The following HMGCLL1 variants were observed in gnomAD, a reference collection of about 807,000 sequenced individuals.
HMGCLL1 encodes 3-hydroxy-3-methylglutaryl-CoA lyase like 1.
A neutral mutation model predicts 39.1 loss-of-function variants in HMGCLL1; 36 were observed. That is an observed-to-expected ratio of 0.92 (90% CI 0.71 to 1.22). The LOEUF (loss-of-function observed/expected upper bound fraction) is 1.22, where lower values mean the gene tolerates loss of function less well. Ranked by LOEUF, HMGCLL1 falls within the 50% of genes most tolerant of loss-of-function variation. HMGCLL1 has a pLI of 0.00. For synonymous variants in HMGCLL1, 149 were observed against 144.0 expected, an observed-to-expected ratio of 1.03 and a Z score of -0.25; for missense variants, 451 against 416.5, an observed-to-expected ratio of 1.08 and a Z score of -0.72.
intron 1 of HMGCLL1, among the ~76,000 whole-genome samples, chr6:55,576,755 T>C (rs570728084): frequency 1.4e-4 from 22 of 152,286 alleles, no homozygotes; most frequent in Non-Finnish European, 2.5e-4. Flanking sequence ...TGAAAGAAGA[T>C]AGTTTCTGGT....
At chr6:55,608,455 G>C in the HMGCLL1 span, among the ~76,000 whole-genome samples, 1 of 151,856 alleles carries the variant, frequency 6.6e-6, no homozygotes, top group African/African-American at 2.4e-5. Context: ...GCATTTTTCA[G>C]TTAAAGTTCC....
At chr6:55,644,445 T>G in the HMGCLL1 span, among the ~76,000 whole-genome samples, 1 of 152,006 alleles carries the variant, frequency 6.6e-6, no homozygotes. Flanking sequence ...CCTGTGCTTG[T>G]GGGTTATTAT....
Position 55,579,192 on chromosome 6 carries a change from C to A in HMGCLL1, c.-137G>T. 4 of 675,562 alleles carry A rather than the reference C, an allele frequency of 5.9e-6. No homozygotes were observed. The highest frequency in any genetic ancestry group is 5.1e-6 in the Non-Finnish European group (2 of 393,808). 41.8% of individuals were successfully genotyped at this position (675,562 alleles called of 1,614,324 possible). ...GGCTGTGAGGACCAGAGCTGTTCTG[C>A]GCACTGCGGCGGCGCCGAGAGGGCG... On this transcript the variant is annotated 5_prime_UTR_variant, in exon 1 of 9. Transcript: ENST00000274901.
At chr6:55,667,053 T>C in the HMGCLL1 span, among the ~76,000 whole-genome samples, 1 of 151,630 alleles carries the variant, frequency 6.6e-6, no homozygotes, top group South Asian at 2.1e-4. Context: ...GAGCATTGTA[T>C]CTTGTGTTTG....
At chr6:55,634,162 T>G in the HMGCLL1 span, among the ~76,000 whole-genome samples, 1 of 152,092 alleles carries the variant, frequency 6.6e-6, no homozygotes, top group African/African-American at 2.4e-5. Flanking sequence ...AATGGTGTTC[T>G]TGATTCAAAG....
At chr6:55,455,124 A>T (rs550358975) in intron 7 of HMGCLL1, among the ~76,000 whole-genome samples, 173 of 152,200 alleles carry the variant, frequency 1.1e-3, no homozygotes, top group Non-Finnish European at 2.2e-3. Flanking sequence ...AATAAAAATA[A>T]AAAAGTATAG....
the HMGCLL1 span, among the ~76,000 whole-genome samples, chr6:55,589,210 T>G: frequency 6.6e-6 from 1 of 152,168 alleles, no homozygotes; most frequent in Admixed American, 6.6e-5. Context: ...TCCACCATGA[T>G]CAAGTGGGCT....
At chr6:55,510,592 G>A (rs1767404338) in intron 5 of HMGCLL1, among the ~76,000 whole-genome samples, 1 of 131,060 alleles carries the variant, frequency 7.6e-6, no homozygotes, top group Admixed American at 9.1e-5. Context: ...ATTGAACAAT[G>A]AGAACACATG....
At chr6:55,619,786 T>A in the HMGCLL1 span, among the ~76,000 whole-genome samples, 2 of 152,086 alleles carry the variant, frequency 1.3e-5, no homozygotes, top group African/African-American at 4.8e-5. Flanking sequence ...AAATAGTAGA[T>A]CTTACTCATT....
chr6:55,584,167 G>A (rs946764098), upstream of HMGCLL1, among the ~76,000 whole-genome samples: 1 of 152,098 alleles, frequency 6.6e-6, no homozygotes, highest in Non-Finnish European at 1.5e-5. Context: ...AGTTTGAGGG[G>A]AGGGGAAATA....
the HMGCLL1 span, among the ~76,000 whole-genome samples, chr6:55,602,926 C>G: frequency 1.3e-5 from 2 of 151,966 alleles, no homozygotes; most frequent in African/African-American, 4.8e-5. Context: ...GACTGAAGGA[C>G]CTTACTCCAG....
upstream of HMGCLL1, among the ~76,000 whole-genome samples, chr6:55,579,851 G>A (rs992787366): frequency 6.6e-5 from 10 of 152,184 alleles, no homozygotes; most frequent in African/African-American, 2.4e-4. Context: ...TAGAATTGGA[G>A]ACATTTTTAG....
the HMGCLL1 span, among the ~76,000 whole-genome samples, chr6:55,599,883 CAG>C: frequency 6.6e-6 from 1 of 152,132 alleles, no homozygotes; most frequent in Admixed American, 6.6e-5. Flanking sequence ...AAGGTAAAGA[CAG>C]TGTTTCTTCA....
intron 5 of HMGCLL1, among the ~76,000 whole-genome samples, chr6:55,510,647 G>A (rs1225305132): frequency 1.9e-5 from 2 of 107,956 alleles, no homozygotes; most frequent in Non-Finnish European, 3.6e-5. Context: ...GTTGTGGGGT[G>A]GGGGGAGGGG....
chr6:55,657,053 T>G, the HMGCLL1 span, among the ~76,000 whole-genome samples: 1 of 151,392 alleles, frequency 6.6e-6, no homozygotes, highest in African/African-American at 2.4e-5. Flanking sequence ...TTTTGTTGTT[T>G]TTTTTCTATA....
the HMGCLL1 span, among the ~76,000 whole-genome samples, chr6:55,667,147 A>G: frequency 1.3e-5 from 2 of 151,768 alleles, no homozygotes; most frequent in Non-Finnish European, 2.9e-5. Context: ...AAGGTGGACA[A>G]TATTTAGCAT....
At chr6:55,580,413 T>C (rs1321385480), upstream of HMGCLL1, among the ~76,000 whole-genome samples, 1 of 116,418 alleles carries the variant, frequency 8.6e-6, no homozygotes, top group Non-Finnish European at 1.8e-5. Context: ...TTTCTTTTTT[T>C]TTTTTTTTTT....
At chr6:55,456,697 A>G (rs930329882) in intron 7 of HMGCLL1, among the ~76,000 whole-genome samples, 4 of 152,104 alleles carry the variant, frequency 2.6e-5, no homozygotes, top group East Asian at 1.9e-4. Context: ...GTGTCCTCCA[A>G]TGCCTTCTGC....
the HMGCLL1 span, among the ~76,000 whole-genome samples, chr6:55,674,462 A>G: frequency 6.6e-6 from 1 of 152,026 alleles, no homozygotes; most frequent in Non-Finnish European, 1.5e-5. Flanking sequence ...TAATGAGAAC[A>G]ACTAACTTTA....
Sources: allele counts gnomAD v4.1 joint callset (sites outside exome capture counted in the v4.1 genomes callset), GRCh38; gene constraint gnomAD v4.1.1; transcripts MANE v1.5; gene names NCBI Gene and HGNC (gene_info 2026-07-23, HGNC 2026-07-21).